Variants in CHN2 observed in about 807,000 individuals in gnomAD.
CHN2 encodes beta-chimaerin.
Under a neutral mutation model 56.3 loss-of-function variants are expected in CHN2, and 35 were observed. That is an observed-to-expected ratio of 0.62 (90% confidence interval 0.47 to 0.82). CHN2 has a LOEUF of 0.82. Ranked by LOEUF, CHN2 falls within the 40% of genes least tolerant of loss-of-function variation. The pLI, the probability that CHN2 is intolerant of heterozygous loss-of-function variation, is 0.00. For missense variants in CHN2, 491 were observed against 580.5 expected, an observed-to-expected ratio of 0.85 and a Z score of 1.58; for synonymous variants, 210 against 212.8, an observed-to-expected ratio of 0.99 and a Z score of 0.12.
intron 1 of CHN2, among the ~76,000 whole-genome samples, chr7:29,198,350 A>T (rs575934658): frequency 6.6e-6 from 1 of 152,234 alleles, no homozygotes; most frequent in Admixed American, 6.5e-5. Flanking sequence ...TTTCCTGAGA[A>T]TTTGCTCTCA....
Position 29,393,678 on chromosome 7 carries a change from G to T in CHN2, c.145-1G>T. The T allele has an allele frequency of 1.1e-6, 1 of 895,600 alleles. No individual in the cohort carries two copies. Among genetic ancestry groups the T allele is most frequent in the South Asian group, 1.4e-5 (1 of 69,170 alleles). The allele number at this position is 895,600 out of a possible 1,614,324, so 55.5% of individuals were successfully genotyped here. A position where few individuals can be genotyped will look rare whatever the true frequency, so the allele number is the denominator to read the frequency against. On this transcript the variant is annotated splice_acceptor_variant, in intron 3 of 12. Transcript: ENST00000222792. LOFTEE classifies it high-confidence loss of function. ...TTAATTTTTTTTTCTTTTTAATATAGGTGGAAAACAGACCAAAATATTATG... is the reference window on the plus strand; with the variant it reads ...TTAATTTTTTTTTCTTTTTAATATATGTGGAAAACAGACCAAAATATTATG...
At chr7:29,163,545 AT>A (rs897091929) in intron 2 of CHN2, among the ~76,000 whole-genome samples, 3 of 151,182 alleles carry the variant, frequency 2.0e-5, no homozygotes, top group Admixed American at 6.6e-5. Flanking sequence ...GACAATATCC[AT>A]TTTTTTTTAC....
At chr7:29,326,748 T>C (rs1270254124) in intron 1 of CHN2, among the ~76,000 whole-genome samples, 2 of 152,170 alleles carry the variant, frequency 1.3e-5, no homozygotes, top group Non-Finnish European at 2.9e-5. Flanking sequence ...GATATTGAGC[T>C]CCTTGAGAGC....
intron 7 of CHN2, chr7:29,484,089 T>C (rs922827130): frequency 4.9e-6 from 2 of 405,086 alleles, no homozygotes; most frequent in African/African-American, 4.2e-5. Flanking sequence ...TTCATGGCTT[T>C]TTTTCTTTTG....
At chr7:29,211,742 G>T (rs544980964) in intron 1 of CHN2, among the ~76,000 whole-genome samples, 2 of 152,140 alleles carry the variant, frequency 1.3e-5, no homozygotes, top group South Asian at 2.1e-4. Flanking sequence ...CACCCTATAG[G>T]CCCATAGTAC....
chr7:29,154,526 C>G (rs1416971842), intron 2 of CHN2, among the ~76,000 whole-genome samples: 1 of 152,086 alleles, frequency 6.6e-6, no homozygotes, highest in African/African-American at 2.4e-5. Flanking sequence ...CACACCTGAT[C>G]GATATTTAAA....
At chr7:29,300,757 C>A (rs1405895235) in intron 1 of CHN2, among the ~76,000 whole-genome samples, 1 of 152,148 alleles carries the variant, frequency 6.6e-6, no homozygotes, top group Non-Finnish European at 1.5e-5. Context: ...TTTCCAAAAG[C>A]CCCTTTTTTC....
intron 1 of CHN2, among the ~76,000 whole-genome samples, chr7:29,308,703 A>T (rs1794356060): frequency 6.6e-6 from 1 of 152,214 alleles, no homozygotes; most frequent in African/African-American, 2.4e-5. Flanking sequence ...AGGGCTGGGC[A>T]TGTAGTCTTC....
chr7:29,429,845 C>G (rs898021997), intron 6 of CHN2, among the ~76,000 whole-genome samples: 8 of 152,112 alleles, frequency 5.3e-5, no homozygotes, highest in Non-Finnish European at 1.2e-4. Context: ...TTTATATGGA[C>G]TTTATTATAT....
chr7:29,229,295 A>G (rs755802492), intron 1 of CHN2, among the ~76,000 whole-genome samples: 1 of 152,206 alleles, frequency 6.6e-6, no homozygotes, highest in Non-Finnish European at 1.5e-5. Context: ...GAAGCTGAGC[A>G]GATGGCATAT....
intron 1 of CHN2, among the ~76,000 whole-genome samples, chr7:29,298,849 C>G (rs1326528688): frequency 2.0e-5 from 3 of 149,116 alleles, no homozygotes; most frequent in African/African-American, 7.5e-5. Flanking sequence ...CATAATTTCT[C>G]TCTTTCTCCA....
chr7:29,495,955 C>T lies in CHN2; in HGVS notation c.658C>T (p.His220Tyr). 2 of 1,612,978 alleles carry T rather than the reference C, an allele frequency of 1.2e-6. No individual in the cohort carries two copies. Among genetic ancestry groups the T allele is most frequent in the Non-Finnish European group, 8.5e-7 (1 of 1,179,504 alleles). The part of the protein sequence containing the change: ...NYEKTHNFKV[H>Y]TFRGPHWCEY... ...TTTTCTTCTTTTTGGATCACAGGTC[C>T]ACACGTTCCGAGGCCCACACTGGTG... The change falls in exon 8 of 13, where the codon CAC becomes TAC. Residue 220 changes from histidine (H) to tyrosine (Y), a missense_variant. Physicochemically the swap from His to Tyr is moderately conservative, Grantham distance 83 (BLOSUM62 2). Transcript: ENST00000222792.
At position 29,151,689 on chromosome 7, in the gene CHN2, G is replaced by A. The variant is rs145152281; in HGVS notation, c.274+4729G>A. ...AGGATAGTATCTGATTAAGGGCATG[G>A]CCTTAGGAGTAGACCGATGGCATCT... On this transcript the variant is annotated intron_variant, in intron 2 of 6. Coordinates refer to the CHN2 transcript ENST00000439384. Among the ~76,000 whole-genome samples, 82 of 152,280 alleles carry A rather than the reference G, an allele frequency of 5.4e-4. 1 individual carries two copies. The highest frequency in any genetic ancestry group is 1.8e-3 in the African/African-American group (73 of 41,538).
chr7:29,262,800 G>T (rs1584901841), intron 1 of CHN2, among the ~76,000 whole-genome samples: 1 of 151,818 alleles, frequency 6.6e-6, no homozygotes, highest in Non-Finnish European at 1.5e-5. Context: ...GGGAGGGAGG[G>T]CATCAGGAAA....
intron 6 of CHN2, among the ~76,000 whole-genome samples, chr7:29,427,977 A>T (rs531089347): frequency 6.6e-6 from 1 of 152,180 alleles, no homozygotes; most frequent in South Asian, 2.1e-4. Flanking sequence ...TGTTTATGTG[A>T]CATGTTTGGA....
At chr7:29,479,889 G>A (rs987281232) in intron 6 of CHN2, 16 of 1,407,128 alleles carry the variant, frequency 1.1e-5, no homozygotes, top group African/African-American at 1.4e-5. Flanking sequence ...GGCGCACGTC[G>A]GCCTTAAGAA....
intron 6 of CHN2, among the ~76,000 whole-genome samples, chr7:29,429,411 G>A (rs1805191855): frequency 6.6e-6 from 1 of 152,218 alleles, no homozygotes. Context: ...GAGATGGTGG[G>A]AACTAAATTT....
intron 3 of CHN2, among the ~76,000 whole-genome samples, chr7:29,378,278 C>T (rs1800225489): frequency 6.6e-6 from 1 of 152,174 alleles, no homozygotes; most frequent in African/African-American, 2.4e-5. Flanking sequence ...ATGATTCTCT[C>T]CTCCCAGTGC....
At chr7:29,223,648 A>T (rs753892752) in intron 1 of CHN2, among the ~76,000 whole-genome samples, 1 of 152,120 alleles carries the variant, frequency 6.6e-6, no homozygotes, top group Non-Finnish European at 1.5e-5. Flanking sequence ...TATAAATTTA[A>T]TTGTATACAC....
Sources: allele counts gnomAD v4.1 joint callset (sites outside exome capture counted in the v4.1 genomes callset), GRCh38; gene constraint gnomAD v4.1.1; transcripts MANE v1.5; gene names NCBI Gene and HGNC (gene_info 2026-07-23, HGNC 2026-07-21).